The following LINGO2 variants were observed in gnomAD, a reference collection of about 807,000 sequenced individuals.
LINGO2 encodes leucine-rich repeat and immunoglobulin-like domain-containing nogo receptor-interacting protein 2.
In LINGO2, 14 loss-of-function variants were observed where a neutral mutation model predicts 30.6. The ratio of observed to expected loss-of-function variants is 0.46; its 90% CI spans 0.30 to 0.72. The LOEUF is 0.72. Ranked by LOEUF, LINGO2 falls within the 30% of genes least tolerant of loss-of-function variation. The pLI, the probability that LINGO2 is intolerant of heterozygous loss-of-function variation, is 0.07. For missense variants in LINGO2, 729 were observed against 751.7 expected (o/e 0.97, Z 0.35); for synonymous variants, 317 against 288.5 (o/e 1.10, Z -1.00).
the LINGO2 span, among the ~76,000 whole-genome samples, chr9:28,794,318 C>A: frequency 6.6e-6 from 1 of 152,060 alleles, no homozygotes; most frequent in East Asian, 1.9e-4. Context: ...CAAAACAAAA[C>A]AAAACCAAAA....
the LINGO2 span, among the ~76,000 whole-genome samples, chr9:28,735,439 T>C: frequency 2.6e-5 from 4 of 152,198 alleles, no homozygotes; most frequent in African/African-American, 9.6e-5. Flanking sequence ...ATTAGAAATA[T>C]CCTTTCTCCT....
intron 3 of LINGO2, among the ~76,000 whole-genome samples, chr9:28,349,950 G>T (rs1278066302): frequency 6.6e-6 from 1 of 152,136 alleles, no homozygotes; most frequent in African/African-American, 2.4e-5. Context: ...AGCAAATGCT[G>T]AGAGATTTTG....
At chr9:28,025,039 G>A (rs1252904676) in intron 4 of LINGO2, among the ~76,000 whole-genome samples, 2 of 152,182 alleles carry the variant, frequency 1.3e-5, no homozygotes, top group African/African-American at 4.8e-5. Flanking sequence ...CACATAATGT[G>A]AGGATTTCTT....
intron 3 of LINGO2, among the ~76,000 whole-genome samples, chr9:28,321,031 A>G (rs1437275759): frequency 6.6e-6 from 1 of 151,486 alleles, no homozygotes; most frequent in South Asian, 2.1e-4. Flanking sequence ...ATTTCTTAGG[A>G]TGAATAAGTT....
the LINGO2 span, among the ~76,000 whole-genome samples, chr9:28,687,022 T>A: frequency 2.0e-5 from 3 of 152,104 alleles, no homozygotes; most frequent in Non-Finnish European, 4.4e-5. Flanking sequence ...TCAAGACAGT[T>A]ACATCATTGA....
the LINGO2 span, among the ~76,000 whole-genome samples, chr9:29,088,390 A>G: frequency 6.6e-6 from 1 of 152,106 alleles, no homozygotes; most frequent in Non-Finnish European, 1.5e-5. Context: ...GGCTTACCCT[A>G]AAGAGTCGAC....
At chr9:28,623,743 T>C (rs1053843142) in intron 1 of LINGO2, among the ~76,000 whole-genome samples, 23 of 152,068 alleles carry the variant, frequency 1.5e-4, no homozygotes, top group African/African-American at 5.3e-4. Flanking sequence ...ATGTCATTGG[T>C]ATTTTGATAG....
At chr9:28,927,183 AG>A in the LINGO2 span, among the ~76,000 whole-genome samples, 1 of 152,220 alleles carries the variant, frequency 6.6e-6, no homozygotes, top group South Asian at 2.1e-4. Flanking sequence ...CAAACCATAA[AG>A]GGACACATTT....
chr9:28,137,198 G>GACACACAC (rs3064725), intron 4 of LINGO2, among the ~76,000 whole-genome samples: 5,934 of 148,154 alleles, frequency 0.04, 169 homozygotes, highest in Admixed American at 0.083. Context: ...GAAAATCCCT[G>GACACACAC]ACACACACAC....
chr9:28,491,930 A>G (rs16913208), intron 1 of LINGO2, among the ~76,000 whole-genome samples: 2,223 of 152,302 alleles, frequency 0.015, 53 homozygotes, highest in African/African-American at 0.05. Context: ...AAAAAGGGAA[A>G]CTGTGGGAAA....
the LINGO2 span, among the ~76,000 whole-genome samples, chr9:29,113,330 C>T: frequency 6.6e-6 from 1 of 152,032 alleles, no homozygotes; most frequent in Admixed American, 6.6e-5. Flanking sequence ...GGTGAAACCT[C>T]GATGCTTTGC....
chr9:29,051,746 T>C, the LINGO2 span, among the ~76,000 whole-genome samples: 1 of 152,176 alleles, frequency 6.6e-6, no homozygotes. Context: ...GAGAGTTTAC[T>C]GCAAAATATT....
intron 1 of LINGO2, among the ~76,000 whole-genome samples, chr9:28,568,721 T>C (rs1217463239): frequency 6.6e-6 from 1 of 151,880 alleles, no homozygotes. Flanking sequence ...AATAAAAACT[T>C]CCTCTGAAGG....
At chr9:28,189,014 A>G (rs891693364) in intron 4 of LINGO2, among the ~76,000 whole-genome samples, 1 of 150,962 alleles carries the variant, frequency 6.6e-6, no homozygotes, top group Non-Finnish European at 1.5e-5. Flanking sequence ...GTTTACATCA[A>G]TTAAGAAGAT....
chr9:29,018,091 T>TTATATATATA, the LINGO2 span, among the ~76,000 whole-genome samples: 15 of 23,232 alleles, frequency 6.5e-4, no homozygotes, highest in African/African-American at 1.2e-3. Flanking sequence ...AATATACATT[T>TTATATATATA]TATATATATA....
chr9:28,792,063 G>T, the LINGO2 span, among the ~76,000 whole-genome samples: 2 of 150,636 alleles, frequency 1.3e-5, no homozygotes, highest in African/African-American at 4.9e-5. Flanking sequence ...ATATATATAT[G>T]TATGTATGTA....
chr9:28,643,770 C>T (rs1281405291), intron 1 of LINGO2, among the ~76,000 whole-genome samples: 1 of 151,818 alleles, frequency 6.6e-6, no homozygotes, highest in Non-Finnish European at 1.5e-5. Flanking sequence ...GGAGAAGAAA[C>T]ATGCGAACTA....
At chr9:28,351,875 T>C (rs1587519846) in intron 3 of LINGO2, among the ~76,000 whole-genome samples, 2 of 149,234 alleles carry the variant, frequency 1.3e-5, no homozygotes, top group East Asian at 2.0e-4. Flanking sequence ...TAATCCAGCA[T>C]ATAAACAGAG....
intron 2 of LINGO2, among the ~76,000 whole-genome samples, chr9:28,388,381 CCT>C (rs1344830729): frequency 1.3e-5 from 2 of 152,140 alleles, no homozygotes; most frequent in African/African-American, 4.8e-5. Context: ...AACGTTCACC[CCT>C]GTGTCTCCTG....
Sources: gnomAD v4.1 joint callset for allele counts (sites outside exome capture counted in the v4.1 genomes callset) on GRCh38, gnomAD v4.1.1 for gene constraint, MANE v1.5 for transcripts, NCBI Gene and HGNC (gene_info 2026-07-23, HGNC 2026-07-21) for gene names.